The following CASK variants were observed in gnomAD, a reference collection of about 807,000 sequenced individuals.
CASK encodes the protein calcium/calmodulin dependent serine protein kinase, also known as peripheral plasma membrane protein CASK.
Under a neutral mutation model 82.9 loss-of-function variants are expected in CASK, and 4 were observed. The ratio of observed to expected loss-of-function variants is 0.05; its 90% confidence interval spans 0.02 to 0.11. The LOEUF is 0.11. CASK is among the 10% of genes least tolerant of loss of function. The pLI, the probability that CASK is intolerant of heterozygous loss-of-function variation, is 1.00. For missense variants in CASK, 358 were observed against 720.9 expected (o/e 0.50, Z 5.76); for synonymous variants, 259 against 253.5 (o/e 1.02, Z -0.20).
chrX:41,865,862 G>T (rs758223255), intron 1 of CASK, among the ~76,000 whole-genome samples: 12 of 111,777 alleles, frequency 1.1e-4, no homozygotes, highest in African/African-American at 3.6e-4. Context: ...GGGATAAAAG[G>T]TACTTCCCAG....
intron 3 of CASK, among the ~76,000 whole-genome samples, chrX:41,780,509 G>A (rs773500285): frequency 6.3e-5 from 7 of 111,519 alleles, no homozygotes; most frequent in Non-Finnish European, 9.4e-5. Context: ...GTTTTATACC[G>A]GATTTTCTAA....
At chrX:41,829,732 T>C (rs1410750346) in intron 2 of CASK, among the ~76,000 whole-genome samples, 14 of 33,504 alleles carry the variant, frequency 4.2e-4, no homozygotes, top group Non-Finnish European at 6.6e-4. Context: ...TATATATATA[T>C]ATATATATAT....
At chrX:41,888,336 T>A (rs772663061) in intron 1 of CASK, among the ~76,000 whole-genome samples, 4 of 110,947 alleles carry the variant, frequency 3.6e-5, no homozygotes, top group African/African-American at 6.6e-5. Context: ...TCATTTATTT[T>A]TTTTTTATTT....
At chrX:41,646,357 G>C (rs2066758157) in intron 8 of CASK, among the ~76,000 whole-genome samples, 1 of 111,067 alleles carries the variant, frequency 9.0e-6, no homozygotes, top group Non-Finnish European at 1.9e-5. Flanking sequence ...GCACCAAAAG[G>C]CTATTTAAAA....
chrX:41,783,079 G>C (rs770949699), intron 3 of CASK, among the ~76,000 whole-genome samples: 7 of 111,555 alleles, frequency 6.3e-5, no homozygotes, highest in Non-Finnish European at 3.8e-5. Flanking sequence ...AGGAGGTGGA[G>C]GCTGAAGTGA....
intron 3 of CASK, among the ~76,000 whole-genome samples, chrX:41,783,530 CAG>C (rs1426743400): frequency 5.1e-5 from 5 of 97,634 alleles, no homozygotes; most frequent in Non-Finnish European, 8.1e-5. Flanking sequence ...GCCTGGACAA[CAG>C]AGCAAGACTC....
intron 2 of CASK, among the ~76,000 whole-genome samples, chrX:41,825,717 A>T (rs1465000335): frequency 2.7e-5 from 3 of 111,694 alleles, no homozygotes; most frequent in Non-Finnish European, 1.9e-5. Flanking sequence ...CTTTTCAGAT[A>T]ATTTTATAGA....
chrX:41,887,056 AC>A (rs758046513), intron 1 of CASK, among the ~76,000 whole-genome samples: 1 of 111,093 alleles, frequency 9.0e-6, no homozygotes, highest in South Asian at 3.8e-4. Flanking sequence ...GTAAAGAGCT[AC>A]CTACAATGAT....
intron 3 of CASK, among the ~76,000 whole-genome samples, chrX:41,747,078 C>T (rs1318694400): frequency 9.0e-6 from 1 of 110,514 alleles, no homozygotes; most frequent in African/African-American, 3.3e-5. Context: ...GCAGAAGACA[C>T]ACTGTAGACA....
At chrX:41,593,744 C>A (rs1364193600) in intron 12 of CASK, among the ~76,000 whole-genome samples, 1 of 112,099 alleles carries the variant, frequency 8.9e-6, no homozygotes, top group African/African-American at 3.2e-5. Flanking sequence ...ATAGCATATA[C>A]AAAGCATTTG....
intron 5 of CASK, among the ~76,000 whole-genome samples, chrX:41,701,319 T>C (rs1420743191): frequency 8.9e-6 from 1 of 111,947 alleles, no homozygotes; most frequent in Non-Finnish European, 1.9e-5. Flanking sequence ...ATTCATAGAT[T>C]TGACTTAAAA....
chrX:41,636,290 A>C (rs1173820486), intron 9 of CASK, among the ~76,000 whole-genome samples: 1 of 112,194 alleles, frequency 8.9e-6, no homozygotes, highest in African/African-American at 3.2e-5. Context: ...CTAGATTCAT[A>C]TTCAATAATA....
At chrX:41,617,697 A>G (rs778319748) in intron 11 of CASK, among the ~76,000 whole-genome samples, 2 of 112,081 alleles carry the variant, frequency 1.8e-5, no homozygotes, top group East Asian at 2.8e-4. Flanking sequence ...TCAATTCATT[A>G]TAAGATATAA....
chrX:41,565,975 G>T (rs1418480196), intron 16 of CASK, among the ~76,000 whole-genome samples: 1 of 111,707 alleles, frequency 9.0e-6, no homozygotes, highest in Non-Finnish European at 1.9e-5. Flanking sequence ...CAGAACCAAC[G>T]ACAAAAACCA....
At chrX:41,530,100 T>C (rs144513912) in intron 25 of CASK, among the ~76,000 whole-genome samples, 1 of 111,553 alleles carries the variant, frequency 9.0e-6, no homozygotes, top group African/African-American at 3.3e-5. Flanking sequence ...ATACTGGTTC[T>C]ATTTCTAAGG....
rs2068671429 is a variant in CASK at position 41,745,456 on chromosome X, T to A, written c.356+68A>T. On this transcript the variant is annotated intron_variant, in intron 4 of 26. Transcript: ENST00000378163. ...GCATGCTCTTTATCAGTTTGTCATGTGATGTCTTTGTCATTTTCTTTTTTT... is the reference window on the plus strand; with the variant it reads ...GCATGCTCTTTATCAGTTTGTCATGAGATGTCTTTGTCATTTTCTTTTTTT... 3 of 700,016 alleles carry A rather than the reference T, an allele frequency of 4.3e-6. No individual in the cohort carries two copies. In the South Asian group the frequency reaches 6.8e-5, roughly 16 times the overall value. 57.7% of individuals were successfully genotyped at this position (700,016 alleles called of 1,213,427 possible).
At chrX:41,539,894 A>G (rs759327520) in intron 22 of CASK, among the ~76,000 whole-genome samples, 2 of 112,317 alleles carry the variant, frequency 1.8e-5, no homozygotes, top group Middle Eastern at 4.6e-3. Context: ...CAAGGAAAAA[A>G]GCTGGGAATC....
chrX:41,554,743 C>T (rs1317497890), intron 20 of CASK, among the ~76,000 whole-genome samples: 2 of 111,481 alleles, frequency 1.8e-5, no homozygotes, highest in African/African-American at 6.5e-5. Context: ...AATTCATACC[C>T]AATGTTCCAT....
intron 25 of CASK, among the ~76,000 whole-genome samples, chrX:41,527,010 C>A (rs2064722743): frequency 9.0e-6 from 1 of 111,332 alleles, no homozygotes. Flanking sequence ...TTCAGAGTTA[C>A]TTCAGGGACA....
Sources: gnomAD v4.1 joint callset for allele counts (sites outside exome capture counted in the v4.1 genomes callset) on GRCh38, gnomAD v4.1.1 for gene constraint, MANE v1.5 for transcripts, NCBI Gene and HGNC (gene_info 2026-07-23, HGNC 2026-07-21) for gene names.